The following ING1 variants were observed in gnomAD, a reference collection of about 807,000 sequenced individuals.
ING1 encodes the protein inhibitor of growth protein 1.
ING1 carries 4 observed loss-of-function variants against 23.1 expected under a neutral mutation model. The ratio of observed to expected loss-of-function variants is 0.17; its 90% CI spans 0.09 to 0.40. The LOEUF is 0.40. Ranked by LOEUF, ING1 falls within the 10% of genes least tolerant of loss-of-function variation. The pLI is 1.00. For synonymous variants in ING1, 179 were observed against 166.4 expected (o/e 1.08, Z -0.58); for missense variants, 256 against 393.8 (o/e 0.65, Z 2.96).
intron 1 of ING1, chr13:110,715,584 G>A: frequency 1.2e-6 from 2 of 1,614,152 alleles, no homozygotes; most frequent in Non-Finnish European, 8.5e-7. Context: ...GGAGCGGGGT[G>A]GAGGGTGGAC....
Position 110,713,986 on chromosome 13 carries a change from G to A in ING1, c.-164G>A. 1 of 1,108,714 alleles carries A rather than the reference G, an allele frequency of 9.0e-7. No individual in the cohort carries two copies. The allele number at this position is 1,108,714 out of a possible 1,614,324, so 68.7% of individuals were successfully genotyped here. On this transcript the variant is annotated 5_prime_UTR_variant, in exon 1 of 2. Coordinates refer to ENST00000333219, the MANE Select transcript of ING1 (RefSeq NM_198219.3). Reference sequence around the variant, plus strand: ...TGGGGTCCCCGCGGACCCGGAGGCGGCGGACGGGCTCGGCAGATGTAGCCG... The same window carrying A: ...TGGGGTCCCCGCGGACCCGGAGGCGACGGACGGGCTCGGCAGATGTAGCCG...
intron 1 of ING1, chr13:110,715,757 C>CG (rs1566379561): frequency 9.5e-6 from 15 of 1,581,902 alleles, no homozygotes; most frequent in East Asian, 2.3e-5. Flanking sequence ...TCTCGGGGTG[C>CG]GGGGCGAGTC....
At chr13:110,714,852 C>A (rs948111996) in intron 1 of ING1, 2 of 449,010 alleles carry the variant, frequency 4.5e-6, no homozygotes, top group Non-Finnish European at 5.9e-6. Context: ...CCCGCCCAGC[C>A]CCCTCCGGCC....
At chr13:110,713,626 G>C (rs2064067438), upstream of ING1, 3 of 984,508 alleles carry the variant, frequency 3.0e-6, no homozygotes, top group Admixed American at 6.1e-5. Context: ...GGCCGTTGCC[G>C]GGGGAGGGGG....
chr13:110,713,670 A>C (rs2064068522), upstream of ING1: 6 of 985,224 alleles, frequency 6.1e-6, no homozygotes, highest in South Asian at 9.4e-5. Flanking sequence ...GCGGGGCTGA[A>C]TGTTTCCCAA....
At chr13:110,713,333 C>T, upstream of ING1, 2 of 1,123,912 alleles carry the variant, frequency 1.8e-6, no homozygotes, top group Non-Finnish European at 2.2e-6. Context: ...TCCCGCGGCC[C>T]GTTAGGTCCT....
At chr13:110,717,579 C>CA (rs1278652632) in intron 1 of ING1, among the ~76,000 whole-genome samples, 1 of 152,220 alleles carries the variant, frequency 6.6e-6, no homozygotes, top group African/African-American at 2.4e-5. Flanking sequence ...GTAATCCCAG[C>CA]ACCATGGGAG....
chr13:110,719,226 C>T lies in ING1; in HGVS notation c.137-3C>T, dbSNP rs983413769. The T allele has an allele frequency of 6.8e-6, 11 of 1,613,038 alleles. No homozygotes were observed. The highest frequency in any genetic ancestry group is 1.7e-5 in the Admixed American group (1 of 59,966). On this transcript the variant is annotated splice_region_variant and splice_polypyrimidine_tract_variant and intron_variant, in intron 1 of 1. Coordinates refer to ENST00000333219, the MANE Select transcript of ING1 (RefSeq NM_198219.3). The surrounding 1 kb of genome is among the most constrained non-coding windows in gnomAD (Gnocchi z 8.9). ...GAGTGACGCCTGTCCTTCTTGCCCC[C>T]AGAGATCCTGAAGGAGCTAGACGAG...
rs748051041 is a variant in ING1 at position 110,715,822 on chromosome 13, C to T, written c.136+1537C>T. Reference sequence around the variant, plus strand: ...GGCCTGGCGGGTGTCGCCCCGGCCCCTCTCCCCGCTCAGCCCGGCCACTTT... The same window carrying T: ...GGCCTGGCGGGTGTCGCCCCGGCCCTTCTCCCCGCTCAGCCCGGCCACTTT... On this transcript the variant is annotated intron_variant, in intron 1 of 1. Coordinates refer to ENST00000333219, the MANE Select transcript of ING1 (RefSeq NM_198219.3). The T allele has an allele frequency of 2.8e-5, 45 of 1,587,068 alleles. No homozygotes were observed. In the African/African-American group the frequency reaches 4.6e-4, roughly 16 times the overall value.
In ING1 at chr13:110,722,949, AAAAT is replaced by A. The variant is rs1017620494; in HGVS notation, c.*3019_*3022del. ...AAAAATGGTACTGAATTCTTTTTGA[AAAAT>A]AGATTACTGAAAAGCGATCTAATAT... On this transcript the variant is annotated 3_prime_UTR_variant, in exon 2 of 2. Coordinates refer to ENST00000333219, the MANE Select transcript of ING1 (RefSeq NM_198219.3). The A allele has an allele frequency of 2.6e-5, 4 of 152,236 alleles. No individual in the cohort carries two copies. The highest frequency in any genetic ancestry group is 9.6e-5 in the African/African-American group (4 of 41,460). The allele number at this position is 152,236 out of a possible 1,614,324, so 9.4% of individuals were successfully genotyped here.
At chr13:110,715,572 G>T (rs2139968867) in intron 1 of ING1, 1 of 1,614,130 alleles carries the variant, frequency 6.2e-7, no homozygotes, top group East Asian at 2.2e-5. Flanking sequence ...CTTTTTCGGG[G>T]AGGAGCGGGG....
In ING1 at chr13:110,719,546, C is replaced by A; in HGVS notation, c.454C>A (p.Arg152=). The change falls in exon 2 of 2, where the codon CGG becomes AGG. Residue 152 remains arginine, a synonymous_variant. Transcript: ENST00000333219. This position sits in a 1 kb window ranked among gnomAD's most constrained non-coding sequence, Gnocchi z 8.9. The part of the protein sequence containing the change: ...ADKPNSKRSR[R]QRNNENRENA... ...CAAGCCCAACAGCAAGCGCTCACGG[C>A]GGCAGCGCAACAACGAGAACCGTGA... 1 of 1,610,010 alleles carries A rather than the reference C, an allele frequency of 6.2e-7. No individual in the cohort carries two copies. The highest frequency in any genetic ancestry group is 8.5e-7 in the Non-Finnish European group (1 of 1,178,548).
Position 110,719,410 on chromosome 13 carries a change from G to T in ING1, c.318G>T (p.Val106=). Residue 106 remains valine, a synonymous_variant, in exon 2 of 2, where the codon GTG becomes GTT. Transcript: ENST00000333219. The surrounding 1 kb of genome is among the most constrained non-coding windows in gnomAD (Gnocchi z 8.9). ...TGGTGGAGAACCGCACGCGGCAGGT[G>T]GACAGCCACGTGGAGCTGTTCGAGG... is the stretch of plus-strand genomic sequence containing the variant. ...VELVENRTRQ[V]DSHVELFEAQ... 6.2e-7 allele frequency: 1 copy of T among 1,611,576 alleles called. No homozygotes were observed.
chr13:110,713,021 G>A (rs781096664), upstream of ING1: 138 of 1,513,168 alleles, frequency 9.1e-5, 1 homozygote, highest in Middle Eastern at 3.6e-3. Flanking sequence ...AAAGGACACC[G>A]AGAGGGTGCC....
Position 110,723,070 on chromosome 13 carries a change from G to A in ING1, c.*3138G>A, listed in dbSNP as rs1313629486. On this transcript the variant is annotated 3_prime_UTR_variant, in exon 2 of 2. Coordinates refer to ENST00000333219, the MANE Select transcript of ING1 (RefSeq NM_198219.3). Reference sequence around the variant, plus strand: ...CAGATAAAGGGTCCAAAGTGTTTTCGTTATGATATAATACTTTCTATTGTA... The same window carrying A: ...CAGATAAAGGGTCCAAAGTGTTTTCATTATGATATAATACTTTCTATTGTA... The A allele has an allele frequency of 1.1e-4, 16 of 152,156 alleles. No homozygotes were observed. The highest frequency in any genetic ancestry group is 1.0e-3 in the Admixed American group (16 of 15,274). 9.4% of individuals were successfully genotyped at this position (152,156 alleles called of 1,614,324 possible).
At chr13:110,715,527 T>G (rs771546781) in intron 1 of ING1, 1 of 1,614,154 alleles carries the variant, frequency 6.2e-7, no homozygotes, top group South Asian at 1.1e-5. Context: ...GCGCAATAAC[T>G]GGTATGGGTC....
At chr13:110,713,510 C>T, upstream of ING1, 2 of 986,736 alleles carry the variant, frequency 2.0e-6, no homozygotes, top group South Asian at 4.6e-5. Context: ...CGACCCTCGC[C>T]TCTGGAAAAA....
Position 110,719,764 on chromosome 13 carries a change from C to T in ING1, c.672C>T (p.Ile224=), listed in dbSNP as rs372476660. 1 of 1,613,976 alleles carries T rather than the reference C, an allele frequency of 6.2e-7. No individual in the cohort carries two copies. The highest frequency in any genetic ancestry group is 8.5e-7 in the Non-Finnish European group (1 of 1,180,008). Residue 224 remains isoleucine (I), a synonymous_variant, in exon 2 of 2, where the codon ATC becomes ATT. Coordinates refer to ENST00000333219, the MANE Select transcript of ING1 (RefSeq NM_198219.3). The surrounding 1 kb of genome is among the most constrained non-coding windows in gnomAD (Gnocchi z 8.9). The part of the protein sequence containing the change: ...LCNQVSYGEM[I]GCDNDECPIE... ...ACCAGGTCTCCTATGGGGAGATGAT[C>T]GGCTGCGACAACGACGAGTGCCCCA...
In ING1 at chr13:110,719,019, T is replaced by C. The variant is rs551468471; in HGVS notation, c.137-210T>C. ...TGCCGCTGTGGAAGCTGGGCCGGCA[T>C]TTGTGTTGTGTTGTGTTGTGTTGTG... On this transcript the variant is annotated intron_variant, in intron 1 of 1. Coordinates refer to ENST00000333219, the MANE Select transcript of ING1 (RefSeq NM_198219.3). The surrounding 1 kb of genome is among the most constrained non-coding windows in gnomAD (Gnocchi z 8.9). Among the ~76,000 whole-genome samples, 2 of 148,448 alleles carry C rather than the reference T, an allele frequency of 1.3e-5. No individual in the cohort carries two copies. Among genetic ancestry groups the C allele is most frequent in the African/African-American group, 2.5e-5 (1 of 39,796 alleles).
Sources: gnomAD v4.1 joint callset for allele counts (sites outside exome capture counted in the v4.1 genomes callset) on GRCh38, gnomAD v4.1.1 for gene constraint, Gnocchi (gnomAD v3.1) non-coding constraint, MANE v1.5 for transcripts, NCBI Gene and HGNC (gene_info 2026-07-23, HGNC 2026-07-21) for gene names.